Variants in C18orf63 observed in about 807,000 individuals in gnomAD.
The protein encoded by C18orf63 is uncharacterized protein C18orf63.
A neutral mutation model predicts 75.3 loss-of-function variants in C18orf63; 50 were observed. The ratio of observed to expected loss-of-function variants is 0.66; its 90% CI spans 0.53 to 0.84. The LOEUF (loss-of-function observed/expected upper bound fraction) is 0.84, where lower values mean the gene tolerates loss of function less well. Among genes scored for constraint, C18orf63 ranks in the 40% least tolerant of loss-of-function variants. The probability of loss-of-function intolerance (pLI) is 0.00; values close to 1 mark genes in which losing one functional copy is unlikely to be tolerated. For missense variants in C18orf63, 732 were observed against 800.2 expected (o/e 0.91, Z 1.03); for synonymous variants, 232 against 267.6 (o/e 0.87, Z 1.30).
chr18:74,316,479 T>G (rs1599283091), intron 1 of C18orf63, among the ~76,000 whole-genome samples: 2 of 152,106 alleles, frequency 1.3e-5, no homozygotes, highest in East Asian at 3.9e-4. Flanking sequence ...TTAGGAAGGG[T>G]CCCTCGTAGC....
chr18:74,342,907 TGGAGTTTAAAAATGGAA>T (rs1261076257), intron 10 of C18orf63, among the ~76,000 whole-genome samples: 1 of 152,160 alleles, frequency 6.6e-6, no homozygotes, highest in African/African-American at 2.4e-5. Flanking sequence ...TCTGACCTGC[TGGAGTTTAAAAATGGAA>T]GAAGGAAGAG....
At chr18:74,333,266 C>A (rs1332122143) in intron 7 of C18orf63, among the ~76,000 whole-genome samples, 1 of 152,134 alleles carries the variant, frequency 6.6e-6, no homozygotes, top group African/African-American at 2.4e-5. Flanking sequence ...TCTGATATGA[C>A]AAACAGAATG....
intron 7 of C18orf63, among the ~76,000 whole-genome samples, chr18:74,335,801 G>T (rs2145123056): frequency 6.6e-6 from 1 of 152,166 alleles, no homozygotes; most frequent in Admixed American, 6.5e-5. Flanking sequence ...GAAGAAAGAA[G>T]AGCATGCACA....
intron 4 of C18orf63, among the ~76,000 whole-genome samples, chr18:74,326,195 T>A (rs1266413928): frequency 6.6e-6 from 1 of 152,198 alleles, no homozygotes; most frequent in Non-Finnish European, 1.5e-5. Flanking sequence ...AGAAATTTGG[T>A]TCCATCCTCT....
intron 4 of C18orf63, among the ~76,000 whole-genome samples, chr18:74,325,607 T>G (rs1984194092): frequency 6.6e-6 from 1 of 152,240 alleles, no homozygotes; most frequent in Non-Finnish European, 1.5e-5. Flanking sequence ...TATCAGTTAT[T>G]AAGAGAGCAG....
In C18orf63 at chr18:74,342,228, G is replaced by A. The variant is rs1984500851; in HGVS notation, c.709-13G>A. The A allele has an allele frequency of 6.7e-7, 1 of 1,501,980 alleles. No individual in the cohort carries two copies. The highest frequency in any genetic ancestry group is 9.0e-7 in the Non-Finnish European group (1 of 1,116,424). The allele number at this position is 1,501,980 out of a possible 1,614,324, so 93.0% of individuals were successfully genotyped here. A position where few individuals can be genotyped will look rare whatever the true frequency, so the allele number is the denominator to read the frequency against. ...TTCTCCAAGATATTTAAAATTTTGT[G>A]CTTAATTTTTAGTATGGCTATAAAC... On this transcript the variant is annotated splice_polypyrimidine_tract_variant and intron_variant, in intron 9 of 13. Coordinates refer to ENST00000579455, the MANE Select transcript of C18orf63 (RefSeq NM_001174123.2).
At chr18:74,326,873 C>A (rs1984217165) in intron 4 of C18orf63, among the ~76,000 whole-genome samples, 1 of 152,004 alleles carries the variant, frequency 6.6e-6, no homozygotes, top group African/African-American at 2.4e-5. Flanking sequence ...TAGAGATATT[C>A]TCTTGGTTGC....
chr18:74,354,628 T>C (rs1984732524), intron 13 of C18orf63, 82 bp downstream of exon 13: 1 of 628,084 alleles, frequency 1.6e-6, no homozygotes, highest in Admixed American at 3.0e-5. Context: ...AACCTCTTGG[T>C]AAAAAGCAGC....
chr18:74,335,553 T>G (rs1414180301), intron 7 of C18orf63, among the ~76,000 whole-genome samples: 1 of 152,126 alleles, frequency 6.6e-6, no homozygotes, highest in Non-Finnish European at 1.5e-5. Context: ...TTTTACTGTT[T>G]GGTGCATTGA....
chr18:74,324,992 C>T (rs766110345), intron 4 of C18orf63, among the ~76,000 whole-genome samples: 1 of 152,132 alleles, frequency 6.6e-6, no homozygotes, highest in African/African-American at 2.4e-5. Flanking sequence ...TTCACATAAT[C>T]ATAATCAGCA....
chr18:74,329,164 A>G (rs1320544372), intron 6 of C18orf63, 128 bp downstream of exon 6: 3 of 581,322 alleles, frequency 5.2e-6, no homozygotes, highest in Non-Finnish European at 6.2e-6. Context: ...CAAGGTAGGT[A>G]GATTGTTTGA....
Position 74,353,652 on chromosome 18 carries a change from A to G in C18orf63, c.1385A>G (p.Asp462Gly). The G allele has an allele frequency of 6.5e-7, 1 of 1,536,202 alleles. No individual in the cohort carries two copies. The highest frequency in any genetic ancestry group is 8.7e-7 in the Non-Finnish European group (1 of 1,146,912). ...GGCAGCCCAAAAAGAAAACAGCATG[A>G]TGTGACACAATCTAAATTGTTTTCA... ...VLGSPKRKQH[D>G]VTQSKLFSLK... Residue 462 changes from aspartate (D) to glycine (G), a missense_variant, in exon 12 of 14, where the codon GAT becomes GGT. Asp to Gly is a moderately conservative substitution (Grantham distance 94, BLOSUM62 -1). This residue lies in a region of C18orf63 where 495 missense variants were observed against 508.7 expected (regional missense o/e 0.97). Transcript: ENST00000579455.
intron 6 of C18orf63, among the ~76,000 whole-genome samples, chr18:74,330,124 G>A (rs113340746): frequency 2.6e-4 from 40 of 152,326 alleles, no homozygotes; most frequent in African/African-American, 9.4e-4. Flanking sequence ...GACTACAACT[G>A]TAGGGATTAA....
intron 2 of C18orf63, among the ~76,000 whole-genome samples, chr18:74,318,789 C>CA (rs1440958908): frequency 0.037 from 3,441 of 93,270 alleles, 104 homozygotes; most frequent in East Asian, 0.071. Context: ...GACTCTGTCT[C>CA]AGAAAAAAAA....
intron 11 of C18orf63, among the ~76,000 whole-genome samples, chr18:74,348,643 C>T (rs1316668716): frequency 1.3e-5 from 2 of 151,972 alleles, no homozygotes; most frequent in African/African-American, 4.8e-5. Context: ...TTGCATTTGC[C>T]AATGACACTT....
intron 2 of C18orf63, among the ~76,000 whole-genome samples, chr18:74,318,996 TG>T (rs1173027051): frequency 3.9e-5 from 6 of 152,146 alleles, no homozygotes; most frequent in African/African-American, 1.4e-4. Context: ...AAGCCACTTT[TG>T]GGGTGTCCTT....
At chr18:74,317,545 G>A (rs1186250333) in intron 1 of C18orf63, among the ~76,000 whole-genome samples, 1 of 152,178 alleles carries the variant, frequency 6.6e-6, no homozygotes, top group Non-Finnish European at 1.5e-5. Context: ...TTATTGCAAT[G>A]ATGGTTGCAC....
At chr18:74,339,134 C>T (rs1984438669) in intron 8 of C18orf63, among the ~76,000 whole-genome samples, 1 of 151,870 alleles carries the variant, frequency 6.6e-6, no homozygotes, top group African/African-American at 2.4e-5. Flanking sequence ...ACCTCATAAA[C>T]TTATATCTAA....
intron 6 of C18orf63, 131 bp from the exon 7 acceptor site, chr18:74,330,735 T>G: frequency 2.2e-6 from 1 of 462,342 alleles, no homozygotes; most frequent in Middle Eastern, 5.6e-4. Context: ...TATTTGAATT[T>G]TACCATGTGC....
Sources: allele counts gnomAD v4.1 joint callset (sites outside exome capture counted in the v4.1 genomes callset), GRCh38; gene constraint gnomAD v4.1.1; regional missense constraint gnomAD v4.1.1; transcripts MANE v1.5; gene names NCBI Gene and HGNC (gene_info 2026-07-23, HGNC 2026-07-21).